Variants in CFAP251 observed in about 807,000 individuals in gnomAD.
CFAP251 encodes cilia and flagella associated protein 251.
Under a neutral mutation model 126.7 loss-of-function variants are expected in CFAP251, and 93 were observed. That is an observed-to-expected ratio of 0.73 (90% CI 0.62 to 0.87). The LOEUF (loss-of-function observed/expected upper bound fraction) is 0.87, where lower values mean the gene tolerates loss of function less well. Among genes scored for constraint, CFAP251 ranks in the 40% least tolerant of loss-of-function variants. The pLI is 0.00. For synonymous variants in CFAP251, 503 were observed against 506.9 expected, an observed-to-expected ratio of 0.99 and a Z score of 0.10; for missense variants, 1,287 against 1,389.2, an observed-to-expected ratio of 0.93 and a Z score of 1.17.
intron 19 of CFAP251, among the ~76,000 whole-genome samples, chr12:121,976,627 C>T (rs563809785): frequency 6.6e-6 from 1 of 152,234 alleles, no homozygotes; most frequent in South Asian, 2.1e-4. Flanking sequence ...GCAGGTAAGC[C>T]GGTTGTGGCA....
At chr12:121,946,945 T>A (rs1881348164) in intron 7 of CFAP251, among the ~76,000 whole-genome samples, 1 of 152,188 alleles carries the variant, frequency 6.6e-6, no homozygotes. Flanking sequence ...GTAAAGCTTA[T>A]CCTTTAGGAT....
intron 5 of CFAP251, among the ~76,000 whole-genome samples, chr12:121,941,369 T>C (rs1881109120): frequency 6.8e-6 from 1 of 148,026 alleles, no homozygotes; most frequent in Non-Finnish European, 1.5e-5. Flanking sequence ...GATCTTGCTT[T>C]ATCACCCAGG....
chr12:121,943,087 G>T, intron 7 of CFAP251, 112 bp downstream of exon 7: 1 of 1,120,400 alleles, frequency 8.9e-7, no homozygotes, highest in Admixed American at 2.0e-5. Context: ...GCTGAGGTAG[G>T]TTATCACTTG....
intron 15 of CFAP251, among the ~76,000 whole-genome samples, chr12:121,963,441 T>A (rs1033920411): frequency 2.0e-5 from 3 of 150,622 alleles, no homozygotes; most frequent in Non-Finnish European, 4.4e-5. Flanking sequence ...ATTGTGGAGG[T>A]CCCGGGAGAG....
Position 121,931,827 on chromosome 12 carries a change from G to A in CFAP251, c.829G>A (p.Val277Ile), listed in dbSNP as rs762125973. The A allele has an allele frequency of 5.0e-6, 8 of 1,606,244 alleles. No homozygotes were observed. In the South Asian group the frequency reaches 9.0e-5, roughly 18 times the overall value. ...GGAAAGGCAGAGAGTTCTTCTGTAT[G>A]TTTGTGCTCACACTGCGATCATCTA... is the stretch of plus-strand genomic sequence containing the variant. ...REERQRVLLY[V>I]CAHTAIIYNV... Residue 277 changes from valine to isoleucine, a missense_variant, in exon 4 of 22, where the codon GTT (valine) becomes ATT (isoleucine). Physicochemically the swap from Val to Ile is conservative, Grantham distance 29. Coordinates refer to ENST00000288912, the MANE Select transcript of CFAP251 (RefSeq NM_144668.6).
At chr12:121,981,189 C>T (rs1001832032) in intron 19 of CFAP251, among the ~76,000 whole-genome samples, 1 of 151,990 alleles carries the variant, frequency 6.6e-6, no homozygotes, top group Non-Finnish European at 1.5e-5. Context: ...AACTCTTGGC[C>T]AGTCACGGTG....
Position 121,975,312 on chromosome 12 carries a change from G to A in CFAP251, c.2840G>A (p.Gly947Asp). ...LTPFYGLLSG[G>D]REGKFYRELE... ...CCATTCTATGGTCTGCTGTCTGGTGGCCGGGAAGGAAAATTCTACAGGGTA... is the reference window on the plus strand; with the variant it reads ...CCATTCTATGGTCTGCTGTCTGGTGACCGGGAAGGAAAATTCTACAGGGTA... The change falls in exon 18 of 22, where the codon GGC becomes GAC. Residue 947 changes from glycine to aspartate, a missense_variant. Physicochemically the swap from Gly to Asp is moderately conservative, Grantham distance 94 (BLOSUM62 -1). Transcript: ENST00000288912. The A allele has an allele frequency of 6.2e-7, 1 of 1,614,178 alleles. No individual in the cohort carries two copies. The highest frequency in any genetic ancestry group is 1.1e-5 in the South Asian group (1 of 91,074).
At chr12:121,987,217 T>C (rs1468508734) in intron 19 of CFAP251, among the ~76,000 whole-genome samples, 1 of 152,206 alleles carries the variant, frequency 6.6e-6, no homozygotes, top group African/African-American at 2.4e-5. Context: ...TCAGCAGGCA[T>C]TTCCATCCTG....
At position 122,000,385 on chromosome 12, in the gene CFAP251, C is replaced by T. The variant is rs972018639; in HGVS notation, c.3235+441C>T. ...TGGCCAACACAGTGAAACCCCATCT[C>T]TACTAAAAATACAAAAATTAGCCGG... On this transcript the variant is annotated intron_variant, in intron 20 of 21. Coordinates refer to ENST00000288912, the MANE Select transcript of CFAP251 (RefSeq NM_144668.6). Among the ~76,000 whole-genome samples, 16 of 151,804 alleles carry T rather than the reference C, an allele frequency of 1.1e-4. No individual in the cohort carries two copies. In the South Asian group the frequency reaches 1.9e-3, roughly 18 times the overall value.
At chr12:121,921,712 A>T in intron 2 of CFAP251, 29 bp downstream of exon 2, 3 of 1,579,658 alleles carry the variant, frequency 1.9e-6, no homozygotes, top group Non-Finnish European at 2.6e-6. Flanking sequence ...TCATTCATCA[A>T]TTCATTCAGA....
intron 5 of CFAP251, among the ~76,000 whole-genome samples, chr12:121,935,791 G>A (rs1195728479): frequency 6.6e-6 from 1 of 152,198 alleles, no homozygotes; most frequent in African/African-American, 2.4e-5. Context: ...TCTGGCACTG[G>A]AGCTGGGTCC....
Position 122,001,563 on chromosome 12 carries a change from G to A in CFAP251, c.3302G>A (p.Gly1101Glu). The A allele has an allele frequency of 6.2e-7, 1 of 1,614,144 alleles. No homozygotes were observed. Among genetic ancestry groups the A allele is most frequent in the Non-Finnish European group, 8.5e-7 (1 of 1,180,028 alleles). The change falls in exon 21 of 22, where the codon GGA becomes GAA. Residue 1101 changes from glycine to glutamate, a missense_variant. Gly to Glu is a moderately conservative substitution (Grantham distance 98, BLOSUM62 -2). Transcript: ENST00000288912. ...FASLFGLNPEGWKSEPATCSV... is the reference protein window; with the variant it reads ...FASLFGLNPEEWKSEPATCSV... ...TCACTGTTTGGCCTGAATCCCGAGG[G>A]ATGGAAATCCGAGCCTGCAACCTGC...
intron 18 of CFAP251, 34 bp downstream of exon 18, chr12:121,975,368 C>T (rs916145642): frequency 6.3e-7 from 1 of 1,599,238 alleles, no homozygotes; most frequent in African/African-American, 1.3e-5. Flanking sequence ...CTCCTGGTAA[C>T]ATCTAGTTAA....
intron 2 of CFAP251, 43 bp downstream of exon 2, chr12:121,921,726 A>G (rs1880187147): frequency 6.4e-7 from 1 of 1,561,300 alleles, no homozygotes; most frequent in Non-Finnish European, 8.7e-7. Context: ...ATTCAGAATC[A>G]TTAGTTGAAT....
rs774130650 is a variant in CFAP251, at chr12:121,923,787, C to T, written c.544C>T (p.Leu182Phe). 6.2e-7 allele frequency: 1 copy of T among 1,612,760 alleles called. No individual in the cohort carries two copies. Among genetic ancestry groups the T allele is most frequent in the South Asian group, 1.1e-5 (1 of 91,020 alleles). ...CCCTGAAAGGCAGCCCTCAGGAGAGCTTGAGGAGAAAACCGACCGGATGCC... is the reference window on the plus strand; with the variant it reads ...CCCTGAAAGGCAGCCCTCAGGAGAGTTTGAGGAGAAAACCGACCGGATGCC... Reference protein sequence around the residue: ...SSPERQPSGELEEKTDRMPQD... With the variant: ...SSPERQPSGEFEEKTDRMPQD... The change falls in exon 3 of 22, where the codon CTT (leucine) becomes TTT (phenylalanine). Residue 182 changes from leucine to phenylalanine, a missense_variant. Coordinates refer to ENST00000288912, the MANE Select transcript of CFAP251 (RefSeq NM_144668.6).
chr12:121,932,862 G>C (rs938345396), intron 4 of CFAP251: 1 of 152,412 alleles, frequency 6.6e-6, no homozygotes. Flanking sequence ...ACTGAACACA[G>C]TGGTGATGGC....
intron 17 of CFAP251, among the ~76,000 whole-genome samples, chr12:121,973,034 G>A (rs1882375143): frequency 6.6e-6 from 1 of 152,256 alleles, no homozygotes; most frequent in Admixed American, 6.5e-5. Context: ...GGGCATGTCA[G>A]ACATCTTCTT....
intron 13 of CFAP251, among the ~76,000 whole-genome samples, chr12:121,960,286 C>T (rs1220551323): frequency 6.6e-6 from 1 of 151,514 alleles, no homozygotes; most frequent in Non-Finnish European, 1.5e-5. Context: ...TGCAACAGAT[C>T]TTGGCTCGCT....
intron 19 of CFAP251, among the ~76,000 whole-genome samples, chr12:121,985,015 C>T (rs907634301): frequency 6.6e-6 from 1 of 152,076 alleles, no homozygotes; most frequent in African/African-American, 2.4e-5. Flanking sequence ...TGGTCATATT[C>T]GACAGCAGAG....
Sources: allele counts gnomAD v4.1 joint callset (sites outside exome capture counted in the v4.1 genomes callset), GRCh38; gene constraint gnomAD v4.1.1; transcripts MANE v1.5; gene names NCBI Gene and HGNC (gene_info 2026-07-23, HGNC 2026-07-21).